B4GALT6: variants seen among roughly 807,000 people sequenced by gnomAD.
The protein encoded by B4GALT6 is UDP-Gal:beta-GlcNAc beta-1,4-galactosyltransferase 6.
In B4GALT6, 14 loss-of-function variants were observed where a neutral mutation model predicts 46.3. That is an observed-to-expected ratio of 0.30 (90% CI 0.20 to 0.47). The LOEUF is 0.47. Among genes scored for constraint, B4GALT6 ranks in the 20% least tolerant of loss-of-function variants. The pLI is 0.99. For synonymous variants in B4GALT6, 168 were observed against 162.0 expected, an observed-to-expected ratio of 1.04 and a Z score of -0.28; for missense variants, 386 against 480.1, an observed-to-expected ratio of 0.80 and a Z score of 1.83.
At chr18:31,677,150 G>C (rs186490473) in intron 1 of B4GALT6, among the ~76,000 whole-genome samples, 206 of 152,072 alleles carry the variant, frequency 1.4e-3, no homozygotes, top group Non-Finnish European at 1.9e-3. Context: ...AAAGATGCAA[G>C]CAAAAAGCCA....
At position 31,625,515 on chromosome 18, in the gene B4GALT6, A is replaced by G; in HGVS notation, c.*99T>C. ...GGACTGCTGGCTCTTCTCAGAGAAA[A>G]GGGCACTGTGACACAGCCAATCACT... On this transcript the variant is annotated 3_prime_UTR_variant, in exon 9 of 9. Coordinates refer to ENST00000306851, the MANE Select transcript of B4GALT6 (RefSeq NM_004775.5). The G allele has an allele frequency of 1.5e-6, 2 of 1,333,886 alleles. No homozygotes were observed. The highest frequency in any genetic ancestry group is 2.3e-5 in the East Asian group (1 of 43,020). The allele number at this position is 1,333,886 out of a possible 1,614,324, so 82.6% of individuals were successfully genotyped here. A position where few individuals can be genotyped will look rare whatever the true frequency, so the allele number is the denominator to read the frequency against.
At chr18:31,645,611 C>T (rs781424223) in intron 3 of B4GALT6, 132 bp from the exon 4 acceptor site, 6 of 788,258 alleles carry the variant, frequency 7.6e-6, no homozygotes, top group Non-Finnish European at 1.2e-5. Flanking sequence ...GTTACCACCA[C>T]AAAATTATGA....
chr18:31,645,818 A>T (rs913498332), intron 3 of B4GALT6, among the ~76,000 whole-genome samples: 2 of 152,232 alleles, frequency 1.3e-5, no homozygotes, highest in African/African-American at 4.8e-5. Flanking sequence ...AACTATTCAA[A>T]TATTTTAATA....
At chr18:31,711,919 C>T in the B4GALT6 span, among the ~76,000 whole-genome samples, 1 of 152,186 alleles carries the variant, frequency 6.6e-6, no homozygotes, top group Non-Finnish European at 1.5e-5. Flanking sequence ...CAGTCATTGT[C>T]TATCTCCCAC....
At chr18:31,704,106 TATAATA>T in the B4GALT6 span, among the ~76,000 whole-genome samples, 28 of 151,892 alleles carry the variant, frequency 1.8e-4, no homozygotes, top group Admixed American at 1.2e-3. Flanking sequence ...ATCAAGTACA[TATAATA>T]ATAATAATAA....
At chr18:31,693,311 C>T in the B4GALT6 span, among the ~76,000 whole-genome samples, 5 of 152,128 alleles carry the variant, frequency 3.3e-5, no homozygotes, top group Admixed American at 1.3e-4. Flanking sequence ...ACAAGTACAC[C>T]GGTACATCAC....
At chr18:31,678,917 C>T (rs867816146) in intron 1 of B4GALT6, among the ~76,000 whole-genome samples, 3 of 152,208 alleles carry the variant, frequency 2.0e-5, no homozygotes, top group Admixed American at 6.5e-5. Flanking sequence ...CCTGAGAAGC[C>T]CTGCAGGACA....
At chr18:31,693,783 T>C in the B4GALT6 span, among the ~76,000 whole-genome samples, 1 of 151,942 alleles carries the variant, frequency 6.6e-6, no homozygotes, top group African/African-American at 2.4e-5. Context: ...GCCTGGGCAA[T>C]ATAGTGGGAC....
chr18:31,648,928 TG>T (rs1279870766), intron 3 of B4GALT6, among the ~76,000 whole-genome samples: 1 of 152,254 alleles, frequency 6.6e-6, no homozygotes, highest in Non-Finnish European at 1.5e-5. Context: ...CTGGATATGT[TG>T]GCTTTTGTCT....
chr18:31,638,586 C>T (rs2073891441), intron 5 of B4GALT6, 58 bp downstream of exon 5: 1 of 1,297,278 alleles, frequency 7.7e-7, no homozygotes, highest in African/African-American at 1.5e-5. Context: ...TTAATCTAAC[C>T]ATATCTAAGA....
Position 31,631,111 on chromosome 18 carries a change from G to A in B4GALT6, c.624C>T (p.Phe208=). The A allele has an allele frequency of 1.2e-6, 2 of 1,613,584 alleles. No individual in the cohort carries two copies. The highest frequency in any genetic ancestry group is 1.7e-6 in the Non-Finnish European group (2 of 1,179,912). Reference sequence around the variant, plus strand: ...TCATGGCCTCTTTGAAGCCCACATTGAAAAGCATCGCACGGTTAAAAGGTT... The same window carrying A: ...TCATGGCCTCTTTGAAGCCCACATTAAAAAGCATCGCACGGTTAAAAGGTT... ...GTQPFNRAML[F]NVGFKEAMKD... Residue 208 remains phenylalanine, a synonymous_variant, in exon 6 of 9, where the codon TTC becomes TTT. Coordinates refer to ENST00000306851, the MANE Select transcript of B4GALT6 (RefSeq NM_004775.5).
intron 3 of B4GALT6, among the ~76,000 whole-genome samples, chr18:31,646,778 AAC>A (rs1483559935): frequency 6.6e-6 from 1 of 152,172 alleles, no homozygotes; most frequent in Non-Finnish European, 1.5e-5. Flanking sequence ...ACTTCATCCT[AAC>A]CAGGCAGAGC....
the B4GALT6 span, among the ~76,000 whole-genome samples, chr18:31,694,170 C>A: frequency 5.3e-5 from 8 of 152,198 alleles, no homozygotes; most frequent in Non-Finnish European, 1.0e-4. Context: ...TATTTACAAT[C>A]ACGACCAATT....
At chr18:31,648,563 G>A (rs1390187774) in intron 3 of B4GALT6, among the ~76,000 whole-genome samples, 1 of 152,138 alleles carries the variant, frequency 6.6e-6, no homozygotes, top group Non-Finnish European at 1.5e-5. Context: ...TGCACCATTG[G>A]TTATGTAGGA....
chr18:31,630,424 T>A (rs2144503701), intron 6 of B4GALT6, among the ~76,000 whole-genome samples: 1 of 152,018 alleles, frequency 6.6e-6, no homozygotes, highest in African/African-American at 2.4e-5. Context: ...TGGGTTTTTT[T>A]TTTTTATTAT....
intron 1 of B4GALT6, among the ~76,000 whole-genome samples, chr18:31,681,215 T>G (rs1443586769): frequency 6.6e-6 from 1 of 152,260 alleles, no homozygotes; most frequent in Admixed American, 6.5e-5. Flanking sequence ...CTACGTTATA[T>G]TGGAAGTTAT....
In B4GALT6 at chr18:31,651,179, AC is replaced by A. The variant is rs537862886; in HGVS notation, c.347-5701del. Among the ~76,000 whole-genome samples, 188 of 151,222 alleles carry A rather than the reference AC, an allele frequency of 1.2e-3. 1 individual carries two copies. Among genetic ancestry groups the A allele is most frequent in the Admixed American group, 6.7e-3 (102 of 15,190 alleles). On this transcript the variant is annotated intron_variant, in intron 3 of 8. Coordinates refer to ENST00000306851, the MANE Select transcript of B4GALT6 (RefSeq NM_004775.5). ...CACACTGACAAACACCTTATCTACCACCCCCTCAACCTGCCACACCTGAGCT... is the reference window on the plus strand; with the variant it reads ...CACACTGACAAACACCTTATCTACCACCCCTCAACCTGCCACACCTGAGCT...
At chr18:31,633,058 T>C (rs923263678) in intron 5 of B4GALT6, among the ~76,000 whole-genome samples, 3 of 152,172 alleles carry the variant, frequency 2.0e-5, no homozygotes, top group African/African-American at 7.2e-5. Context: ...AATACACTTT[T>C]AGCCAATTAA....
chr18:31,691,335 A>G, the B4GALT6 span, among the ~76,000 whole-genome samples: 3 of 56,120 alleles, frequency 5.3e-5, no homozygotes, highest in Non-Finnish European at 1.3e-4. Context: ...ATATATATAT[A>G]TATATATATA....
Sources: allele counts gnomAD v4.1 joint callset (sites outside exome capture counted in the v4.1 genomes callset), GRCh38; gene constraint gnomAD v4.1.1; transcripts MANE v1.5; gene names NCBI Gene and HGNC (gene_info 2026-07-23, HGNC 2026-07-21).